Variants in ORC4 observed in about 807,000 individuals in gnomAD.
The protein encoded by ORC4 is origin recognition complex, subunit 4 homolog.
Under a neutral mutation model 63.9 loss-of-function variants are expected in ORC4, and 55 were observed. The observed-to-expected ratio is 0.86, with a 90% CI of 0.69 to 1.08. The LOEUF is 1.08. ORC4 is among the 50% of genes least tolerant of loss of function. The probability of loss-of-function intolerance (pLI) is 0.00; values close to 1 mark genes in which losing one functional copy is unlikely to be tolerated. For synonymous variants in ORC4, 150 were observed against 168.5 expected, an observed-to-expected ratio of 0.89 and a Z score of 0.85; for missense variants, 511 against 504.4, an observed-to-expected ratio of 1.01 and a Z score of -0.13.
At chr2:147,966,441 T>C (rs1689897163) in intron 4 of ORC4, among the ~76,000 whole-genome samples, 2 of 151,448 alleles carry the variant, frequency 1.3e-5, no homozygotes, top group South Asian at 2.1e-4. Context: ...AAAACAATAC[T>C]ACAAAAAATC....
Position 147,935,432 on chromosome 2 carries a change from A to G in ORC4, c.*78T>C, listed in dbSNP as rs1687994822. 9.6e-7 allele frequency: 1 copy of G among 1,042,364 alleles called. No individual in the cohort carries two copies. The highest frequency in any genetic ancestry group is 1.6e-5 in the African/African-American group (1 of 64,154). 64.6% of individuals were successfully genotyped at this position (1,042,364 alleles called of 1,614,324 possible). A position where few individuals can be genotyped will look rare whatever the true frequency, so the allele number is the denominator to read the frequency against. The stretch of plus-strand genomic sequence containing the variant: ...AGAATGTTTATAGAATGTTTAGCAT[A>G]TCATGTTAATGGACAATAGTTTTCC... On this transcript the variant is annotated 3_prime_UTR_variant, in exon 14 of 14. Coordinates refer to ENST00000392857, the MANE Select transcript of ORC4 (RefSeq NM_181741.4).
chr2:147,947,172 G>C (rs1175299755), intron 9 of ORC4, among the ~76,000 whole-genome samples: 1 of 151,890 alleles, frequency 6.6e-6, no homozygotes, highest in Non-Finnish European at 1.5e-5. Context: ...TATAGACTGT[G>C]TAATTCTATT....
At chr2:147,977,513 C>T (rs900410028) in intron 1 of ORC4, among the ~76,000 whole-genome samples, 4 of 152,122 alleles carry the variant, frequency 2.6e-5, no homozygotes, top group East Asian at 3.9e-4. Flanking sequence ...TTTGTGTTAG[C>T]GTTGAGATTC....
chr2:147,956,492 C>G (rs1689260619), intron 6 of ORC4, among the ~76,000 whole-genome samples: 1 of 151,974 alleles, frequency 6.6e-6, no homozygotes, highest in Non-Finnish European at 1.5e-5. Context: ...CTGTTTATAT[C>G]AAACCAGAAA....
chr2:147,971,286 T>C (rs1690193499), intron 4 of ORC4, among the ~76,000 whole-genome samples: 2 of 151,746 alleles, frequency 1.3e-5, no homozygotes, highest in African/African-American at 4.8e-5. Flanking sequence ...TTATTATTAA[T>C]AGTATGAAAA....
At chr2:148,016,082 A>T (rs1693265182) in intron 1 of ORC4, among the ~76,000 whole-genome samples, 1 of 152,202 alleles carries the variant, frequency 6.6e-6, no homozygotes. Flanking sequence ...GAAAAGGTGA[A>T]AAAGCTCGAT....
At chr2:147,980,716 T>C (rs1440226845) in intron 1 of ORC4, among the ~76,000 whole-genome samples, 2 of 152,126 alleles carry the variant, frequency 1.3e-5, no homozygotes, top group African/African-American at 4.8e-5. Flanking sequence ...CAAAAGATGA[T>C]GAGTGTTGTT....
At chr2:147,957,084 T>C (rs1230142940) in intron 6 of ORC4, among the ~76,000 whole-genome samples, 1 of 148,538 alleles carries the variant, frequency 6.7e-6, no homozygotes, top group African/African-American at 2.4e-5. Flanking sequence ...TAACATTTTA[T>C]ATTAATATTT....
chr2:147,967,633 A>G (rs1205062810), intron 4 of ORC4, among the ~76,000 whole-genome samples: 1 of 152,156 alleles, frequency 6.6e-6, no homozygotes, highest in South Asian at 2.1e-4. Flanking sequence ...CAAAGCACTG[A>G]AGAAAGAAAT....
chr2:147,970,791 AC>A (rs1317487880), intron 4 of ORC4, among the ~76,000 whole-genome samples: 1 of 152,140 alleles, frequency 6.6e-6, no homozygotes, highest in Non-Finnish European at 1.5e-5. Flanking sequence ...CAGATACAAT[AC>A]CAAAATCATA....
chr2:147,987,140 C>CA (rs1476638510), intron 1 of ORC4, among the ~76,000 whole-genome samples: 1 of 150,210 alleles, frequency 6.7e-6, no homozygotes, highest in African/African-American at 2.4e-5. Flanking sequence ...GCTGGGTCAA[C>CA]ACCTTGAGCA....
chr2:147,989,050 A>G (rs1238857467), intron 1 of ORC4, among the ~76,000 whole-genome samples: 1 of 152,226 alleles, frequency 6.6e-6, no homozygotes, highest in African/African-American at 2.4e-5. Context: ...AAAGGAAAGA[A>G]GTTGAGGCAA....
intron 1 of ORC4, among the ~76,000 whole-genome samples, chr2:148,005,676 A>AC (rs893096420): frequency 2.6e-5 from 4 of 151,112 alleles, no homozygotes; most frequent in East Asian, 1.9e-4. Flanking sequence ...AAAAAAAAAA[A>AC]AAAACAACCT....
Position 147,997,380 on chromosome 2 carries a change from CAT to C in ORC4, c.-17-21407_-17-21406del, listed in dbSNP as rs1035855957. Among the ~76,000 whole-genome samples the C allele has an allele frequency of 1.8e-4, 28 of 152,038 alleles. 1 individual carries two copies. The highest frequency in any genetic ancestry group is 1.0e-3 in the South Asian group (5 of 4,820). ...GTACAAAACAAAGAATGAATTTATTCATATGTTTGTCGTTTTTAAAGAAATAA... is the reference window on the plus strand; with the variant it reads ...GTACAAAACAAAGAATGAATTTATTCATGTTTGTCGTTTTTAAAGAAATAA... On this transcript the variant is annotated intron_variant, in intron 1 of 13. Coordinates refer to ENST00000392857, the MANE Select transcript of ORC4 (RefSeq NM_181741.4).
In ORC4 at chr2:147,972,752, G is replaced by C. The variant is rs971994847; in HGVS notation, c.212C>G (p.Ser71Ter). 5.6e-6 allele frequency: 9 copies of C among 1,607,144 alleles called. No homozygotes were observed. The highest frequency in any genetic ancestry group is 5.4e-5 in the African/African-American group (4 of 74,762). The change falls in exon 4 of 14, where the codon TCA becomes TGA. Residue 71 changes from serine (S) to a stop codon, truncating the protein, a stop_gained. Coordinates refer to ENST00000392857, the MANE Select transcript of ORC4 (RefSeq NM_181741.4). LOFTEE classifies it high-confidence loss of function. The part of the protein sequence containing the change: ...NSVLIIGPRG[S>*]GKTMLINHAL... ...AACAGCTTTTACCATAGTTTTTCCT[G>C]ATCCTCGGGGTCCGATAATAAGGAC...
In ORC4 at chr2:147,930,457, A is replaced by T. The variant is rs1687653705; in HGVS notation, c.*5053T>A. ...TTACTTTTTAGGAACATTTGGTATG[A>T]TATGCATAAAATTATTTATCCATTT... On this transcript the variant is annotated 3_prime_UTR_variant, in exon 14 of 14. Coordinates refer to ENST00000392857, the MANE Select transcript of ORC4 (RefSeq NM_181741.4). The T allele has an allele frequency of 6.6e-6, 1 of 151,280 alleles. No individual in the cohort carries two copies. Among genetic ancestry groups the T allele is most frequent in the South Asian group, 2.1e-4 (1 of 4,806 alleles). 9.4% of individuals were successfully genotyped at this position (151,280 alleles called of 1,614,324 possible).
rs1198758053 is a variant in ORC4, at chr2:147,939,189, C to T, written c.909G>A (p.Met303Ile). 1.2e-6 allele frequency: 2 copies of T among 1,613,088 alleles called. No homozygotes were observed. The highest frequency in any genetic ancestry group is 1.7e-5 in the Admixed American group (1 of 59,976). Residue 303 changes from methionine to isoleucine, a missense_variant, in exon 11 of 14, where the codon ATG (methionine) becomes ATA (isoleucine). Met to Ile is a conservative substitution (Grantham distance 10, BLOSUM62 1). Transcript: ENST00000392857. The part of the protein sequence containing the change: ...SHPFMTAVDL[M>I]EASQLCSMDS... ...CCATGCTACACAGTTGGCTTGCTTC[C>T]ATTAGATCTACGGCAGTCATAAATG... is the stretch of plus-strand genomic sequence containing the variant.
In ORC4 at chr2:147,960,289, A is replaced by G. The variant is rs57219455; in HGVS notation, c.226-1423T>C. 3,588 of 984,712 alleles carry G rather than the reference A, an allele frequency of 3.6e-3. 106 individuals carry two copies. In the African/African-American group the frequency reaches 0.058, roughly 16 times the overall value. The allele number at this position is 984,712 out of a possible 1,614,324, so 61.0% of individuals were successfully genotyped here. On this transcript the variant is annotated intron_variant, in intron 4 of 13. Transcript: ENST00000392857. ...GCTTGGATCAGCCCACTAATATTTT[A>G]TGGGTTGTGTGTATGGTCTGAAATG...
chr2:147,970,487 C>A (rs1454563429), intron 4 of ORC4, among the ~76,000 whole-genome samples: 1 of 151,616 alleles, frequency 6.6e-6, no homozygotes, highest in Admixed American at 6.6e-5. Flanking sequence ...AAAAGACAGA[C>A]AAAGCAAGGG....
Sources: allele counts gnomAD v4.1 joint callset (sites outside exome capture counted in the v4.1 genomes callset), GRCh38; gene constraint gnomAD v4.1.1; transcripts MANE v1.5; gene names NCBI Gene and HGNC (gene_info 2026-07-23, HGNC 2026-07-21).